Variants in MACROD1 observed in about 807,000 individuals in gnomAD.
MACROD1 encodes mono-ADP ribosylhydrolase 1.
MACROD1 carries 31 observed loss-of-function variants against 41.4 expected under a neutral mutation model. The ratio of observed to expected loss-of-function variants is 0.75; its 90% CI spans 0.56 to 1.01. The LOEUF (loss-of-function observed/expected upper bound fraction) is 1.01. Ranked by LOEUF, MACROD1 falls within the 50% of genes least tolerant of loss-of-function variation. The pLI, the probability that MACROD1 is intolerant of heterozygous loss-of-function variation, is 0.00. For missense variants in MACROD1, 473 were observed against 460.0 expected (o/e 1.03, Z -0.26); for synonymous variants, 252 against 203.4 (o/e 1.24, Z -2.03).
chr11:64,083,911 G>A (rs564858965), intron 3 of MACROD1, among the ~76,000 whole-genome samples: 11 of 152,344 alleles, frequency 7.2e-5, no homozygotes, highest in African/African-American at 2.2e-4. Context: ...GCGTGCGGCC[G>A]GCCCCGTGGG....
rs639406 is a variant in MACROD1 at position 64,122,277 on chromosome 11, T to G, written c.517+28962A>C. ...TGGGGCTTGCTCCACGCTAACATGGTGCATGCGGCGGCCAGGGGCCTCCCT... is the reference window on the plus strand; with the variant it reads ...TGGGGCTTGCTCCACGCTAACATGGGGCATGCGGCGGCCAGGGGCCTCCCT... On this transcript the variant is annotated intron_variant, in intron 3 of 10. Coordinates refer to ENST00000255681, the MANE Select transcript of MACROD1 (RefSeq NM_014067.4). This position sits in a 1 kb window ranked among gnomAD's most constrained non-coding sequence, Gnocchi z 4.0. 0.064 allele frequency among the ~76,000 whole-genome samples: 9,778 copies of G among 152,286 alleles called. 395 individuals carry two copies. The highest frequency in any genetic ancestry group is 0.14 in the Middle Eastern group (41 of 294).
At chr11:64,130,097 C>T (rs1001798732) in intron 3 of MACROD1, among the ~76,000 whole-genome samples, 1 of 152,008 alleles carries the variant, frequency 6.6e-6, no homozygotes, top group Admixed American at 6.5e-5. Context: ...CTACCCCACA[C>T]CACTGCTGCA....
Position 64,117,028 on chromosome 11 carries a change from C to T in MACROD1, c.517+34211G>A, listed in dbSNP as rs1372497918. On this transcript the variant is annotated intron_variant, in intron 3 of 10. Coordinates refer to ENST00000255681, the MANE Select transcript of MACROD1 (RefSeq NM_014067.4). ...CGCCTACAGAACCTCACAGAGCTCT[C>T]GCTGGTGCGCAATTCGCTGGCCGCG... is the stretch of plus-strand genomic sequence containing the variant. The T allele has an allele frequency of 8.1e-6, 13 of 1,611,138 alleles. No individual in the cohort carries two copies. The African/African-American group carries it at 9.4e-5, about 12-fold the overall frequency.
intron 4 of MACROD1, among the ~76,000 whole-genome samples, chr11:64,004,311 G>A (rs934698661): frequency 3.9e-5 from 6 of 152,366 alleles, no homozygotes; most frequent in African/African-American, 7.2e-5. Flanking sequence ...CAGCAGAGGC[G>A]GAAGGCAGGC....
At chr11:64,047,034 C>T (rs540597978) in intron 3 of MACROD1, among the ~76,000 whole-genome samples, 1 of 152,286 alleles carries the variant, frequency 6.6e-6, no homozygotes, top group South Asian at 2.1e-4. Context: ...ACCAGCCTCG[C>T]CCCAGTGCCC....
rs547634270 is a variant in MACROD1 at position 64,096,126 on chromosome 11, G to C, written c.517+55113C>G. Among the ~76,000 whole-genome samples the C allele has an allele frequency of 1.6e-3, 239 of 152,376 alleles. 1 individual carries two copies. Among genetic ancestry groups the C allele is most frequent in the African/African-American group, 5.4e-3 (226 of 41,596 alleles). Reference sequence around the variant, plus strand: ...CCAGGAGACGCTGTGAGAGTGCCCAGACCCTGGAGGCCAGGAGGGGACCAG... The same window carrying C: ...CCAGGAGACGCTGTGAGAGTGCCCACACCCTGGAGGCCAGGAGGGGACCAG... On this transcript the variant is annotated intron_variant, in intron 3 of 10. Transcript: ENST00000255681. The surrounding 1 kb of genome is among the most constrained non-coding windows in gnomAD (Gnocchi z 4.6).
At chr11:64,151,854 C>T (rs772748810) in intron 2 of MACROD1, among the ~76,000 whole-genome samples, 2 of 152,184 alleles carry the variant, frequency 1.3e-5, no homozygotes, top group African/African-American at 4.8e-5. Flanking sequence ...GATGGCCAGG[C>T]GCAGTTGCTG....
At chr11:64,060,015 C>T (rs1293932968) in intron 3 of MACROD1, among the ~76,000 whole-genome samples, 1 of 152,176 alleles carries the variant, frequency 6.6e-6, no homozygotes, top group Non-Finnish European at 1.5e-5. Flanking sequence ...GTCCAGGGGC[C>T]CCCCTCCCAC....
chr11:64,141,251 C>T (rs774351657), intron 3 of MACROD1, among the ~76,000 whole-genome samples: 4 of 152,200 alleles, frequency 2.6e-5, no homozygotes, highest in African/African-American at 4.8e-5. Context: ...GAGGCCACGC[C>T]AAGCTGGCAC....
At chr11:64,015,368 G>T in intron 3 of MACROD1, 87 bp from the exon 4 acceptor site, 4 of 1,317,536 alleles carry the variant, frequency 3.0e-6, no homozygotes, top group Admixed American at 2.2e-5. Context: ...TGTCAAGATG[G>T]GAGTGGGCTG....
At position 64,120,517 on chromosome 11, in the gene MACROD1, T is replaced by C. The variant is rs1490412650; in HGVS notation, c.517+30722A>G. 1.3e-5 allele frequency among the ~76,000 whole-genome samples: 2 copies of C among 151,912 alleles called. No homozygotes were observed. The highest frequency in any genetic ancestry group is 2.9e-5 in the Non-Finnish European group (2 of 67,974). Reference sequence around the variant, plus strand: ...GCCTGGCCAACATGGTGAAAGTCCGTCTCTCTAAAAATGCAAAAATTAGCC... The same window carrying C: ...GCCTGGCCAACATGGTGAAAGTCCGCCTCTCTAAAAATGCAAAAATTAGCC... On this transcript the variant is annotated intron_variant, in intron 3 of 10. Transcript: ENST00000255681. This position sits in a 1 kb window ranked among gnomAD's most constrained non-coding sequence, Gnocchi z 4.5.
chr11:64,091,806 C>CT (rs1284147326), intron 3 of MACROD1, among the ~76,000 whole-genome samples: 1 of 152,208 alleles, frequency 6.6e-6, no homozygotes, highest in Non-Finnish European at 1.5e-5. Flanking sequence ...CAGTGGGCCA[C>CT]TACCCCAGTC....
At chr11:64,091,570 C>G (rs1175399038) in intron 3 of MACROD1, among the ~76,000 whole-genome samples, 1 of 152,068 alleles carries the variant, frequency 6.6e-6, no homozygotes, top group Admixed American at 6.5e-5. Flanking sequence ...GTCCTTCGGG[C>G]GTTTGCACAG....
intron 3 of MACROD1, among the ~76,000 whole-genome samples, chr11:64,061,809 T>TCAAGCCATCCTC (rs1247186472): frequency 1.3e-5 from 2 of 151,338 alleles, no homozygotes; most frequent in Non-Finnish European, 2.9e-5. Flanking sequence ...AAGCCATCCT[T>TCAAGCCATCCTC]CAAGCCATCC....
intron 3 of MACROD1, among the ~76,000 whole-genome samples, chr11:64,040,149 G>A (rs1005829792): frequency 1.3e-5 from 2 of 152,248 alleles, no homozygotes; most frequent in African/African-American, 4.8e-5. Flanking sequence ...CCCTCAGGGC[G>A]CTTCCAGTCA....
intron 3 of MACROD1, among the ~76,000 whole-genome samples, chr11:64,076,267 C>T (rs769574874): frequency 9.2e-5 from 14 of 152,210 alleles, no homozygotes; most frequent in Non-Finnish European, 1.5e-4. Flanking sequence ...CAGGTGCCCC[C>T]ATGACCCTCC....
At chr11:64,131,573 G>A (rs1055057494) in intron 3 of MACROD1, among the ~76,000 whole-genome samples, 8 of 152,096 alleles carry the variant, frequency 5.3e-5, no homozygotes, top group Admixed American at 5.2e-4. Context: ...TGATCCACCC[G>A]CATCGGCCTC....
chr11:64,011,770 C>T (rs544543538), intron 4 of MACROD1, among the ~76,000 whole-genome samples: 3 of 151,736 alleles, frequency 2.0e-5, no homozygotes, highest in South Asian at 4.2e-4. Flanking sequence ...GGGAGGGGCG[C>T]GGGTAGAGGC....
At chr11:64,031,449 AGCCTGCCTGCCT>A (rs72360895) in intron 3 of MACROD1, among the ~76,000 whole-genome samples, 25 of 143,956 alleles carry the variant, frequency 1.7e-4, no homozygotes, top group Non-Finnish European at 2.8e-4. Context: ...AAGCTGCTGG[AGCCTGCCTGCCT>A]GCCTGCCTGC....
Sources: gnomAD v4.1 joint callset for allele counts (sites outside exome capture counted in the v4.1 genomes callset) on GRCh38, gnomAD v4.1.1 for gene constraint, Gnocchi (gnomAD v3.1) non-coding constraint, MANE v1.5 for transcripts, NCBI Gene and HGNC (gene_info 2026-07-23, HGNC 2026-07-21) for gene names.